Variants in WIPF2 observed in about 807,000 individuals in gnomAD.
The protein encoded by WIPF2 is WAS/WASL interacting protein family member 2, also known as WAS/WASL-interacting protein family member 2.
WIPF2 carries 23 observed loss-of-function variants against 38.8 expected under a neutral mutation model. The ratio of observed to expected loss-of-function variants is 0.59; its 90% CI spans 0.43 to 0.84. WIPF2 has a LOEUF of 0.84. Among genes scored for constraint, WIPF2 ranks in the 40% least tolerant of loss-of-function variants. The probability of loss-of-function intolerance (pLI) is 0.00; values close to 1 mark genes in which losing one functional copy is unlikely to be tolerated. For synonymous variants in WIPF2, 210 were observed against 223.2 expected, an observed-to-expected ratio of 0.94 and a Z score of 0.53; for missense variants, 574 against 580.5, an observed-to-expected ratio of 0.99 and a Z score of 0.11.
At chr17:40,239,181 C>T (rs2031093321) in intron 1 of WIPF2, among the ~76,000 whole-genome samples, 1 of 151,772 alleles carries the variant, frequency 6.6e-6, no homozygotes, top group African/African-American at 2.4e-5. Context: ...ACGCCATTCT[C>T]CTGCCTCAGC....
chr17:40,233,824 G>A (rs1312677015), intron 1 of WIPF2, among the ~76,000 whole-genome samples: 1 of 151,970 alleles, frequency 6.6e-6, no homozygotes, highest in African/African-American at 2.4e-5. Flanking sequence ...AACACTTTGG[G>A]AAGCCGAGGC....
Position 40,229,673 on chromosome 17 carries a change from C to T in WIPF2, c.-70+10181C>T, listed in dbSNP as rs550339215. Among the ~76,000 whole-genome samples, 52 of 152,260 alleles carry T rather than the reference C, an allele frequency of 3.4e-4. 1 individual carries two copies. In the South Asian group the frequency reaches 7.3e-3, roughly 21 times the overall value. ...CTAACCTCAAGTGATCTTCCTGCCT[C>T]GGCCTCCTAAAGTGCTGGGATTGTA... On this transcript the variant is annotated intron_variant, in intron 1 of 7. Coordinates refer to ENST00000323571, the MANE Select transcript of WIPF2 (RefSeq NM_133264.5).
intron 1 of WIPF2, among the ~76,000 whole-genome samples, chr17:40,228,305 G>T (rs955462340): frequency 4.6e-5 from 7 of 151,906 alleles, no homozygotes; most frequent in Non-Finnish European, 8.8e-5. Context: ...GTGAGCCACC[G>T]CGCCCGGCCA....
chr17:40,248,412 G>A (rs569738425), intron 1 of WIPF2, among the ~76,000 whole-genome samples: 6 of 151,838 alleles, frequency 4.0e-5, no homozygotes, highest in African/African-American at 7.2e-5. Flanking sequence ...CAAGAGATCC[G>A]TCCGCCTCGG....
In WIPF2 at chr17:40,264,585, G is replaced by A; in HGVS notation, c.409G>A (p.Asp137Asn). 1.9e-6 allele frequency: 3 copies of A among 1,614,142 alleles called. No individual in the cohort carries two copies. The highest frequency in any genetic ancestry group is 2.5e-6 in the Non-Finnish European group (3 of 1,180,028). Residue 137 changes from aspartate to asparagine, a missense_variant, in exon 5 of 8, where the codon GAT (aspartate) becomes AAT (asparagine). By Grantham distance (23) the Asp-to-Asn change is conservative (BLOSUM62 1). Transcript: ENST00000323571. ...TGCCGCCAGCGGGCGTCCTCAGGAT[G>A]ATACAGACAGCAGCCGGGCCTCACT... ...VSAASGRPQDDTDSSRASLPE... is the reference protein window; with the variant it reads ...VSAASGRPQDNTDSSRASLPE...
intron 5 of WIPF2, among the ~76,000 whole-genome samples, chr17:40,269,600 CTT>C (rs1018733815): frequency 2.7e-5 from 3 of 109,800 alleles, no homozygotes; most frequent in African/African-American, 3.5e-5. Context: ...AAAACACTGT[CTT>C]TTTTTTTTTT....
intron 1 of WIPF2, among the ~76,000 whole-genome samples, chr17:40,248,379 G>T (rs2031444562): frequency 6.6e-6 from 1 of 151,864 alleles, no homozygotes; most frequent in African/African-American, 2.4e-5. Flanking sequence ...ATGTTGGCCA[G>T]GCTGGTCTCA....
At chr17:40,239,282 A>G (rs554868209) in intron 1 of WIPF2, among the ~76,000 whole-genome samples, 21 of 151,760 alleles carry the variant, frequency 1.4e-4, no homozygotes, top group Admixed American at 9.2e-4. Context: ...TGTGTTAGCC[A>G]GGATGGTCTC....
intron 1 of WIPF2, among the ~76,000 whole-genome samples, chr17:40,236,218 C>G (rs1214729265): frequency 6.6e-6 from 1 of 152,062 alleles, no homozygotes; most frequent in Non-Finnish European, 1.5e-5. Flanking sequence ...ATCCACCCGC[C>G]TCAGCCTCCC....
chr17:40,257,884 A>G (rs1284862982), intron 2 of WIPF2, among the ~76,000 whole-genome samples: 4 of 152,074 alleles, frequency 2.6e-5, no homozygotes, highest in African/African-American at 4.8e-5. Context: ...ATGTGTGCTT[A>G]TATGTGTATG....
At chr17:40,259,654 G>A (rs888155333) in intron 2 of WIPF2, among the ~76,000 whole-genome samples, 1 of 152,136 alleles carries the variant, frequency 6.6e-6, no homozygotes, top group Admixed American at 6.6e-5. Context: ...GGAGACAGTA[G>A]GGTATGTTAG....
At chr17:40,277,227 T>G in intron 7 of WIPF2, 43 bp downstream of exon 7, 2 of 1,502,476 alleles carry the variant, frequency 1.3e-6, no homozygotes, top group Non-Finnish European at 1.8e-6. Flanking sequence ...TTGCATAGAA[T>G]GTAGAATCTG....
intron 1 of WIPF2, among the ~76,000 whole-genome samples, chr17:40,235,158 G>A (rs144837426): frequency 0.011 from 1,739 of 151,930 alleles, 29 homozygotes; most frequent in African/African-American, 0.039. Context: ...GCCTCCCAAA[G>A]TGCTGGGATT....
chr17:40,253,356 C>T (rs1445852676), intron 1 of WIPF2, among the ~76,000 whole-genome samples: 2 of 152,186 alleles, frequency 1.3e-5, no homozygotes, highest in African/African-American at 4.8e-5. Context: ...GCCACCGCGC[C>T]CGGCCTATTT....
intron 6 of WIPF2, among the ~76,000 whole-genome samples, chr17:40,275,467 G>A (rs1348400836): frequency 1.3e-5 from 2 of 152,084 alleles, no homozygotes; most frequent in Non-Finnish European, 2.9e-5. Context: ...GTTCTGGGAT[G>A]TAACCCTAAG....
At chr17:40,252,378 C>T (rs1351715784) in intron 1 of WIPF2, among the ~76,000 whole-genome samples, 2 of 151,962 alleles carry the variant, frequency 1.3e-5, no homozygotes, top group Non-Finnish European at 2.9e-5. Context: ...GAACTAGAAA[C>T]CCAGGCCGGG....
At chr17:40,243,604 A>T (rs933600145) in intron 1 of WIPF2, among the ~76,000 whole-genome samples, 1 of 151,264 alleles carries the variant, frequency 6.6e-6, no homozygotes, top group Non-Finnish European at 1.5e-5. Flanking sequence ...ACCTCTGCCT[A>T]CCGGGTTCAA....
chr17:40,273,487 G>C, intron 5 of WIPF2: 1 of 351,020 alleles, frequency 2.8e-6, no homozygotes, highest in Non-Finnish European at 5.2e-6. Flanking sequence ...TTGCAGTAGA[G>C]AACAGGCTAA....
Position 40,257,742 on chromosome 17 carries a change from C to CAA in WIPF2, c.63+1237_63+1238dup, listed in dbSNP as rs397857008. On this transcript the variant is annotated intron_variant, in intron 2 of 7. Transcript: ENST00000323571. ...TGGGCGACAGAGCGAGGCTCCATCT[C>CAA]AAAAAAAAAAAAAAAAAAGGAAAGG... Among the ~76,000 whole-genome samples, 260 of 89,888 alleles carry CAA rather than the reference C, an allele frequency of 2.9e-3. 1 individual carries two copies. Among genetic ancestry groups the CAA allele is most frequent in the African/African-American group, 7.5e-3 (210 of 28,070 alleles). The allele number at this position is 89,888 out of a possible 152,430, so 59.0% of individuals were successfully genotyped here.
Sources: gnomAD v4.1 joint callset for allele counts (sites outside exome capture counted in the v4.1 genomes callset) on GRCh38, gnomAD v4.1.1 for gene constraint, MANE v1.5 for transcripts, NCBI Gene and HGNC (gene_info 2026-07-23, HGNC 2026-07-21) for gene names.